Variants in PBLD observed in about 807,000 individuals in gnomAD.
The protein encoded by PBLD is phenazine biosynthesis like protein domain containing.
A neutral mutation model predicts 31.3 loss-of-function variants in PBLD; 26 were observed. The ratio of observed to expected loss-of-function variants is 0.83; its 90% CI spans 0.61 to 1.15. The LOEUF (loss-of-function observed/expected upper bound fraction) is 1.15, where lower values mean the gene tolerates loss of function less well. PBLD is among the 50% of genes most tolerant of loss of function. The probability of loss-of-function intolerance (pLI) is 0.00; values close to 1 mark genes in which losing one functional copy is unlikely to be tolerated. For synonymous variants in PBLD, 114 were observed against 129.0 expected (o/e 0.88, Z 0.79); for missense variants, 307 against 351.7 (o/e 0.87, Z 1.02).
intron 2 of PBLD, among the ~76,000 whole-genome samples, chr10:68,299,034 G>A (rs1027474507): frequency 5.3e-5 from 8 of 149,952 alleles, no homozygotes; most frequent in Non-Finnish European, 7.4e-5. Flanking sequence ...TTGAACCTGG[G>A]AGGCAGAGGT....
chr10:68,289,716 G>A (rs2134428922), intron 6 of PBLD, among the ~76,000 whole-genome samples: 1 of 131,486 alleles, frequency 7.6e-6, no homozygotes, highest in Admixed American at 8.2e-5. Flanking sequence ...GGTCTGAGAA[G>A]GTCAGAGAAA....
intron 4 of PBLD, among the ~76,000 whole-genome samples, chr10:68,294,545 C>T (rs550706410): frequency 2.6e-5 from 4 of 152,352 alleles, no homozygotes; most frequent in African/African-American, 9.6e-5. Context: ...CAAAGTCATA[C>T]ATCTTTTCCA....
intron 6 of PBLD, among the ~76,000 whole-genome samples, chr10:68,290,900 CA>C (rs1306002533): frequency 6.6e-6 from 1 of 152,064 alleles, no homozygotes; most frequent in East Asian, 1.9e-4. Flanking sequence ...ACTTTCTTAC[CA>C]GTATGTTTAA....
At chr10:68,296,245 C>A (rs766351938) in intron 4 of PBLD, 21 bp downstream of exon 4, 2 of 1,568,218 alleles carry the variant, frequency 1.3e-6, no homozygotes, top group Admixed American at 1.8e-5. Context: ...GTGTTAGATT[C>A]ATTAAAGAAA....
At chr10:68,330,066 TA>T (rs1358342751) in intron 1 of PBLD, among the ~76,000 whole-genome samples, 1 of 151,922 alleles carries the variant, frequency 6.6e-6, no homozygotes, top group East Asian at 1.9e-4. Flanking sequence ...CCCTGAAAAA[TA>T]AATATGAGCC....
chr10:68,290,339 G>A lies in PBLD; in HGVS notation c.424-1320C>T, dbSNP rs369306127. On this transcript the variant is annotated intron_variant, in intron 6 of 9. Coordinates refer to ENST00000358769, the MANE Select transcript of PBLD (RefSeq NM_022129.4). ...CCAATGTAACTTCCTCAAGAAATGG[G>A]AACTCCTACAGCCGGATCCCATCTG... Among the ~76,000 whole-genome samples, 207 of 152,226 alleles carry A rather than the reference G, an allele frequency of 1.4e-3. 2 individuals are homozygous for A. The highest frequency in any genetic ancestry group is 4.7e-3 in the African/African-American group (195 of 41,510).
Position 68,329,632 on chromosome 10 carries a change from G to GTTGGGACTCACAGTGTC in PBLD, c.-60+3135_-60+3151dup, listed in dbSNP as rs1180981443. Among the ~76,000 whole-genome samples, 6 of 149,910 alleles carry GTTGGGACTCACAGTGTC rather than the reference G, an allele frequency of 4.0e-5. No individual in the cohort carries two copies. The East Asian group carries it at 9.8e-4, about 25-fold the overall frequency. On this transcript the variant is annotated intron_variant, in intron 1 of 9. Transcript: ENST00000358769. ...TTTTTTTTTAAAAGGAGGGAGAGGG[G>GTTGGGACTCACAGTGTC]TTGGGACTCACAGTGTCTTGGGACT...
intron 2 of PBLD, among the ~76,000 whole-genome samples, chr10:68,301,982 C>T (rs2044511517): frequency 2.6e-5 from 4 of 152,190 alleles, no homozygotes; most frequent in African/African-American, 7.2e-5. Flanking sequence ...CAACATGTAC[C>T]ACTGGCAGCT....
At chr10:68,291,782 AAC>A (rs1469111881) in intron 6 of PBLD, among the ~76,000 whole-genome samples, 8 of 152,272 alleles carry the variant, frequency 5.3e-5, no homozygotes, top group African/African-American at 1.7e-4. Flanking sequence ...CCTGTCATAT[AAC>A]AGTGTCTCTT....
chr10:68,294,869 C>T (rs960181006), intron 4 of PBLD, among the ~76,000 whole-genome samples: 1 of 152,152 alleles, frequency 6.6e-6, no homozygotes, highest in Non-Finnish European at 1.5e-5. Context: ...CTGGGACTAC[C>T]GGCGCCCGCC....
intron 2 of PBLD, among the ~76,000 whole-genome samples, chr10:68,306,172 TATTCC>T (rs1170460500): frequency 1.3e-5 from 2 of 150,902 alleles, no homozygotes; most frequent in African/African-American, 4.8e-5. Flanking sequence ...AATATTTAAC[TATTCC>T]ATTAATATTT....
At chr10:68,314,995 G>C (rs2044718418) in intron 1 of PBLD, among the ~76,000 whole-genome samples, 1 of 151,926 alleles carries the variant, frequency 6.6e-6, no homozygotes, top group Non-Finnish European at 1.5e-5. Context: ...TCGCCATGTT[G>C]GTCAGGCTGG....
chr10:68,325,020 C>T (rs1418946407), intron 1 of PBLD, among the ~76,000 whole-genome samples: 3 of 151,470 alleles, frequency 2.0e-5, no homozygotes, highest in Non-Finnish European at 2.9e-5. Flanking sequence ...CCGAGACAGG[C>T]AGATCACGAG....
intron 1 of PBLD, among the ~76,000 whole-genome samples, chr10:68,322,448 C>T (rs534920881): frequency 6.6e-6 from 1 of 151,158 alleles, no homozygotes; most frequent in South Asian, 2.1e-4. Flanking sequence ...ATCACTGGAG[C>T]CCAGGAATTC....
chr10:68,298,396 G>A (rs2044459845), intron 2 of PBLD, among the ~76,000 whole-genome samples: 1 of 152,216 alleles, frequency 6.6e-6, no homozygotes, highest in Admixed American at 6.5e-5. Flanking sequence ...GGAGGCCAAG[G>A]AGAGTGGATC....
intron 1 of PBLD, among the ~76,000 whole-genome samples, chr10:68,320,117 C>T (rs576258419): frequency 3.3e-5 from 5 of 151,998 alleles, no homozygotes; most frequent in African/African-American, 4.8e-5. Flanking sequence ...GCCACTCGCC[C>T]GCCTAAGAGA....
chr10:68,294,916 C>T (rs557320235), intron 4 of PBLD, among the ~76,000 whole-genome samples: 27 of 152,198 alleles, frequency 1.8e-4, no homozygotes, highest in African/African-American at 6.3e-4. Flanking sequence ...TTAGTAGAGA[C>T]GGGGTTTTGC....
chr10:68,293,042 G>C (rs1285857641), intron 4 of PBLD, among the ~76,000 whole-genome samples: 1 of 152,064 alleles, frequency 6.6e-6, no homozygotes, highest in East Asian at 1.9e-4. Context: ...TAAATATTTT[G>C]TAAAGACAGG....
chr10:68,329,731 C>A (rs2134565252), intron 1 of PBLD, among the ~76,000 whole-genome samples: 1 of 152,276 alleles, frequency 6.6e-6, no homozygotes, highest in East Asian at 1.9e-4. Flanking sequence ...AGCTAGTAAC[C>A]ACAGGTCTCC....
Sources: gnomAD v4.1 joint callset for allele counts (sites outside exome capture counted in the v4.1 genomes callset) on GRCh38, gnomAD v4.1.1 for gene constraint, MANE v1.5 for transcripts, NCBI Gene and HGNC (gene_info 2026-07-23, HGNC 2026-07-21) for gene names.